The following MYH14 variants were observed in gnomAD, a reference collection of about 807,000 sequenced individuals.
MYH14 encodes myosin heavy chain 14, also known as myosin-14.
In MYH14, 123 loss-of-function variants were observed where a neutral mutation model predicts 255.5. The ratio of observed to expected loss-of-function variants is 0.48; its 90% confidence interval spans 0.42 to 0.56. The LOEUF is 0.56. Ranked by LOEUF, MYH14 falls within the 20% of genes least tolerant of loss-of-function variation. The pLI is 0.00. For synonymous variants in MYH14, 1,095 were observed against 1,161.2 expected (o/e 0.94, Z 1.16); for missense variants, 2,423 against 2,802.3 (o/e 0.86, Z 3.06).
intron 34 of MYH14, among the ~76,000 whole-genome samples, chr19:50,288,350 G>A (rs2035960239): frequency 6.6e-6 from 1 of 152,156 alleles, no homozygotes; most frequent in South Asian, 2.1e-4. Context: ...GCCAGGCCTG[G>A]AGAGAACCCC....
At position 50,283,793 on chromosome 19, in the gene MYH14, C is replaced by T. The variant is rs188093527; in HGVS notation, c.4539+1951C>T. ...TGAATTTTGAAAATTCTTTATGGGCCGGGCACGGTGGCTCATGCCTGGTAA... is the reference window on the plus strand; with the variant it reads ...TGAATTTTGAAAATTCTTTATGGGCTGGGCACGGTGGCTCATGCCTGGTAA... On this transcript the variant is annotated intron_variant, in intron 33 of 42. Transcript: ENST00000642316. Among the ~76,000 whole-genome samples, 17 of 152,116 alleles carry T rather than the reference C, an allele frequency of 1.1e-4. No individual in the cohort carries two copies. In the East Asian group the frequency reaches 1.9e-3, roughly 17 times the overall value.
At chr19:50,259,626 C>T (rs2034747020) in intron 19 of MYH14, among the ~76,000 whole-genome samples, 1 of 152,204 alleles carries the variant, frequency 6.6e-6, no homozygotes, top group South Asian at 2.1e-4. Context: ...CGCCTGTAAT[C>T]CCAGCACTTT....
At chr19:50,278,864 T>G (rs2035610199) in intron 30 of MYH14, among the ~76,000 whole-genome samples, 1 of 150,348 alleles carries the variant, frequency 6.7e-6, no homozygotes, top group African/African-American at 2.4e-5. Flanking sequence ...GGCGCATGCC[T>G]GTAATCCCAG....
In MYH14 at chr19:50,303,646, A is replaced by G. The variant is rs180733670; in HGVS notation, c.5678+1777A>G. Among the ~76,000 whole-genome samples the G allele has an allele frequency of 1.6e-3, 250 of 152,306 alleles. 1 individual carries two copies. The highest frequency in any genetic ancestry group is 5.8e-3 in the African/African-American group (240 of 41,554). ...TCTGTTGTATCAGTCTAGCACAAAG[A>G]GGAATGTCTTTTTTTCAAGTGATAA... On this transcript the variant is annotated intron_variant, in intron 40 of 42. Transcript: ENST00000642316.
intron 24 of MYH14, among the ~76,000 whole-genome samples, chr19:50,269,839 G>A (rs1269616097): frequency 6.6e-6 from 1 of 152,282 alleles, no homozygotes; most frequent in Middle Eastern, 3.4e-3. Context: ...TAAGGCTGGG[G>A]GACCTTATCT....
chr19:50,272,537 A>T (rs1285759805), intron 26 of MYH14, 23 bp from the exon 27 acceptor site: 1 of 1,555,494 alleles, frequency 6.4e-7, no homozygotes, highest in Non-Finnish European at 8.7e-7. Context: ...GTCCTCATGC[A>T]CGGCCCCCAC....
In MYH14 at chr19:50,259,254, G is replaced by A; in HGVS notation, c.2343G>A (p.Glu781=). 1 of 1,582,278 alleles carries A rather than the reference G, an allele frequency of 6.3e-7. No homozygotes were observed. Among genetic ancestry groups the A allele is most frequent in the Non-Finnish European group, 8.6e-7 (1 of 1,163,498 alleles). Residue 781 remains glutamate, a synonymous_variant, in exon 19 of 43, where the codon GAG becomes GAA. Transcript: ENST00000642316. ...QGFPNRILFQ[E]FRQRYEILTP... is the part of the protein sequence containing the mutation. ...TCCCCAACCGCATCCTCTTCCAGGA[G>A]TTCCGGCAGCGGTGAGCTAGAGCGA...
At chr19:50,248,883 G>A (rs566220921) in intron 12 of MYH14, 104 bp from the exon 13 acceptor site, 52 of 1,234,244 alleles carry the variant, frequency 4.2e-5, no homozygotes, top group East Asian at 9.9e-5. Flanking sequence ...GCTGGGAGGC[G>A]ACCTTAAGGG....
Position 50,307,058 on chromosome 19 carries a change from C to T in MYH14, c.5688C>T (p.Ile1896=). 1 of 1,549,740 alleles carries T rather than the reference C, an allele frequency of 6.5e-7. No homozygotes were observed. The highest frequency in any genetic ancestry group is 8.7e-7 in the Non-Finnish European group (1 of 1,145,656). Residue 1896 remains isoleucine (I), a synonymous_variant, in exon 41 of 43, where the codon ATC becomes ATT. Transcript: ENST00000642316. ...TCATCCCTCTCTTCAGAGAGCGCATCCTCTCTGGAAAGCTGGTGCGCAGAG... is the reference window on the plus strand; with the variant it reads ...TCATCCCTCTCTTCAGAGAGCGCATTCTCTCTGGAAAGCTGGTGCGCAGAG... The part of the protein sequence containing the change: ...EQLEQETRER[I]LSGKLVRRAE...
Position 50,217,624 on chromosome 19 carries a change from G to A in MYH14, c.415G>A (p.Gly139Ser), listed in dbSNP as rs768207483. 3 of 1,614,020 alleles carry A rather than the reference G, an allele frequency of 1.9e-6. No individual in the cohort carries two copies. Among genetic ancestry groups the A allele is most frequent in the East Asian group, 2.2e-5 (1 of 44,886 alleles). The stretch of plus-strand genomic sequence containing the variant: ...CTCTCACCCACTGCAGACGTACTCC[G>A]GCCTTTTCTGTGTGGTCATCAACCC... ...YYSGLIYTYS[G>S]LFCVVINPYK... The change falls in exon 3 of 43, where the codon GGC becomes AGC. Residue 139 changes from glycine (G) to serine (S), a missense_variant. Around this residue, in one of 3 missense-constraint regions of MYH14, gnomAD observed 238 missense variants for 245.8 expected, o/e 0.97. Coordinates refer to ENST00000642316, the MANE Select transcript of MYH14 (RefSeq NM_001145809.2).
Position 50,217,599 on chromosome 19 carries a change from C to G in MYH14, c.406-16C>G. On this transcript the variant is annotated splice_polypyrimidine_tract_variant and intron_variant, in intron 2 of 42. Coordinates refer to ENST00000642316, the MANE Select transcript of MYH14 (RefSeq NM_001145809.2). The stretch of plus-strand genomic sequence containing the variant: ...GGGCAGCCATCTGAGACCCTCTCCC[C>G]TCTCACCCACTGCAGACGTACTCCG... 6.2e-7 allele frequency: 1 copy of G among 1,614,026 alleles called. No individual in the cohort carries two copies. Among genetic ancestry groups the G allele is most frequent in the South Asian group, 1.1e-5 (1 of 91,078 alleles).
At position 50,259,158 on chromosome 19, in the gene MYH14, G is replaced by T; in HGVS notation, c.2247G>T (p.Glu749Asp). ...GCTCTCCCCAGGCCGGGAAGCTGGA[G>T]CCACGGCTGGTGCTGGACCAGCTTC... is the stretch of plus-strand genomic sequence containing the variant. ...PNHEKRAGKL[E>D]PRLVLDQLRC... The change falls in exon 19 of 43, where the codon GAG becomes GAT. Residue 749 changes from glutamate (E) to aspartate (D), a missense_variant. This residue lies in a region of MYH14 where 672 missense variants were observed against 881.8 expected (regional missense o/e 0.76). Transcript: ENST00000642316. 1 of 1,556,556 alleles carries T rather than the reference G, an allele frequency of 6.4e-7. No homozygotes were observed. The highest frequency in any genetic ancestry group is 8.7e-7 in the Non-Finnish European group (1 of 1,149,718).
chr19:50,246,118 T>C (rs1391120874), intron 11 of MYH14, among the ~76,000 whole-genome samples: 2 of 124,324 alleles, frequency 1.6e-5, no homozygotes, highest in Non-Finnish European at 3.4e-5. Flanking sequence ...CTTTCTTCCT[T>C]CCTTCCTTCC....
intron 17 of MYH14, among the ~76,000 whole-genome samples, chr19:50,256,663 C>T (rs775253734): frequency 7.9e-5 from 12 of 152,180 alleles, no homozygotes; most frequent in Non-Finnish European, 1.5e-4. Flanking sequence ...CATGAGCCAC[C>T]GCACCCTGCC....
intron 36 of MYH14, among the ~76,000 whole-genome samples, chr19:50,291,403 C>T (rs2036072442): frequency 6.6e-6 from 1 of 151,898 alleles, no homozygotes; most frequent in Non-Finnish European, 1.5e-5. Context: ...CAGGTTCAAG[C>T]AGTTCTCCTG....
Position 50,272,584 on chromosome 19 carries a change from GT to G in MYH14, c.3321del (p.Arg1108AlafsTer7). On this transcript the variant is annotated frameshift_variant, in exon 27 of 43. Coordinates refer to ENST00000642316, the MANE Select transcript of MYH14 (RefSeq NM_001145809.2). ...MEDRLRKEEK[G>X]RQELEKLKRR... is the part of the protein sequence containing the mutation. ...GACCGCCTACGGAAGGAGGAGAAGG[GT>G]CGCCAGGAGCTGGAGAAGCTGAAGC... 6.3e-7 allele frequency: 1 copy of G among 1,578,522 alleles called. No homozygotes were observed. The highest frequency in any genetic ancestry group is 8.6e-7 in the Non-Finnish European group (1 of 1,162,970).
chr19:50,253,230 G>A (rs956404763), intron 16 of MYH14, among the ~76,000 whole-genome samples: 1 of 152,114 alleles, frequency 6.6e-6, no homozygotes, highest in Non-Finnish European at 1.5e-5. Context: ...ATCACTTGAG[G>A]TCAGGAGTTC....
intron 1 of MYH14, 49 bp from the exon 2 acceptor site, chr19:50,210,314 G>A (rs942387476): frequency 2.2e-5 from 33 of 1,491,254 alleles, no homozygotes; most frequent in South Asian, 1.5e-4. Flanking sequence ...AGGGAGGCCC[G>A]GGGGACGGAG....
intron 33 of MYH14, among the ~76,000 whole-genome samples, chr19:50,283,309 G>A (rs866076607): frequency 6.6e-6 from 1 of 152,094 alleles, no homozygotes; most frequent in Admixed American, 6.6e-5. Flanking sequence ...TAATAGAGAC[G>A]AGGTTTCACC....
Sources: gnomAD v4.1 joint callset for allele counts (sites outside exome capture counted in the v4.1 genomes callset) on GRCh38, gnomAD v4.1.1 for gene constraint, gnomAD v4.1.1 regional missense constraint, MANE v1.5 for transcripts, NCBI Gene and HGNC (gene_info 2026-07-23, HGNC 2026-07-21) for gene names.